The following RGS6 variants were observed in gnomAD, a reference collection of about 807,000 sequenced individuals.
RGS6 encodes regulator of G protein signaling 6.
A neutral mutation model predicts 78.5 loss-of-function variants in RGS6; 30 were observed. The ratio of observed to expected loss-of-function variants is 0.38; its 90% CI spans 0.29 to 0.52. The LOEUF (loss-of-function observed/expected upper bound fraction) is 0.52, where lower values mean the gene tolerates loss of function less well. RGS6 is among the 20% of genes least tolerant of loss of function. RGS6 has a pLI of 0.85. For missense variants in RGS6, 495 were observed against 609.7 expected (o/e 0.81, Z 1.98); for synonymous variants, 206 against 206.0 (o/e 1.00, Z 0.00).
chr14:72,207,444 C>T (rs1225523192), intron 2 of RGS6, among the ~76,000 whole-genome samples: 1 of 152,176 alleles, frequency 6.6e-6, no homozygotes, highest in African/African-American at 2.4e-5. Flanking sequence ...CTTGTTCATC[C>T]GTACATCTAG....
chr14:72,516,084 A>C (rs1159550443), intron 14 of RGS6, among the ~76,000 whole-genome samples: 1 of 152,206 alleles, frequency 6.6e-6, no homozygotes, highest in African/African-American at 2.4e-5. Context: ...AGCCTCACTG[A>C]CTTCGTCTCT....
At chr14:72,592,442 G>GGT in the RGS6 span, among the ~76,000 whole-genome samples, 1 of 152,212 alleles carries the variant, frequency 6.6e-6, no homozygotes, top group Non-Finnish European at 1.5e-5. Context: ...AGTGTAACAA[G>GGT]GTGTTAAGCT....
chr14:72,370,093 A>G (rs1389470884), intron 3 of RGS6, among the ~76,000 whole-genome samples: 1 of 152,038 alleles, frequency 6.6e-6, no homozygotes, highest in Non-Finnish European at 1.5e-5. Flanking sequence ...GCTTTGGAGA[A>G]TGGTAGACTA....
At chr14:72,544,781 C>CAA (rs1275725556) in intron 17 of RGS6, among the ~76,000 whole-genome samples, 1 of 152,194 alleles carries the variant, frequency 6.6e-6, no homozygotes, top group East Asian at 1.9e-4. Flanking sequence ...CTTCCCCTGC[C>CAA]AAAAGCCAAG....
At chr14:72,392,796 C>T (rs1476183804) in intron 3 of RGS6, among the ~76,000 whole-genome samples, 1 of 152,144 alleles carries the variant, frequency 6.6e-6, no homozygotes, top group Non-Finnish European at 1.5e-5. Flanking sequence ...TTCTTCCTGC[C>T]AATCCTCACC....
intron 3 of RGS6, among the ~76,000 whole-genome samples, chr14:72,379,887 T>C (rs1197210534): frequency 6.6e-6 from 1 of 152,040 alleles, no homozygotes; most frequent in African/African-American, 2.4e-5. Context: ...AGAACATAGT[T>C]AGAGGTATCA....
chr14:72,573,989 C>A, the RGS6 span, among the ~76,000 whole-genome samples: 2 of 152,184 alleles, frequency 1.3e-5, no homozygotes, highest in South Asian at 4.1e-4. Context: ...TGGGAGCAAA[C>A]CAAAAGATAA....
intron 15 of RGS6, among the ~76,000 whole-genome samples, chr14:72,530,044 A>T (rs949941695): frequency 2.0e-5 from 3 of 152,188 alleles, no homozygotes; most frequent in African/African-American, 7.2e-5. Context: ...ATTTTGATTG[A>T]CAAGTTCTTT....
At chr14:71,959,990 T>G (rs1326767882) in intron 1 of RGS6, among the ~76,000 whole-genome samples, 1 of 152,222 alleles carries the variant, frequency 6.6e-6, no homozygotes, top group East Asian at 1.9e-4. Context: ...TTCAAAGCCC[T>G]TCCTTTTCCT....
intron 2 of RGS6, among the ~76,000 whole-genome samples, chr14:72,227,762 CTG>C (rs1599902469): frequency 1.3e-5 from 2 of 152,226 alleles, no homozygotes; most frequent in East Asian, 3.9e-4. Flanking sequence ...ACTAGCTAAA[CTG>C]TGGCATATAA....
intron 2 of RGS6, among the ~76,000 whole-genome samples, chr14:72,348,817 G>A (rs1390729765): frequency 6.6e-6 from 1 of 152,164 alleles, no homozygotes. Flanking sequence ...TCAGAGTGTT[G>A]TTGTATCATA....
At chr14:72,474,203 G>A (rs957529846) in intron 9 of RGS6, 2 of 154,162 alleles carry the variant, frequency 1.3e-5, no homozygotes, top group Non-Finnish European at 2.9e-5. Flanking sequence ...AACAAATCTT[G>A]CATTTTCCTC....
intron 1 of RGS6, among the ~76,000 whole-genome samples, chr14:71,938,131 C>T (rs748177772): frequency 9.9e-5 from 15 of 152,214 alleles, no homozygotes; most frequent in Non-Finnish European, 2.1e-4. Flanking sequence ...TTAAACTCCT[C>T]CTCTGCTGAG....
At chr14:72,222,787 T>C (rs562186899) in intron 2 of RGS6, among the ~76,000 whole-genome samples, 7 of 152,354 alleles carry the variant, frequency 4.6e-5, no homozygotes, top group Middle Eastern at 3.4e-3. Context: ...GATGGGAAGA[T>C]AGAAGCTACA....
chr14:71,942,974 T>G (rs2090875825), intron 1 of RGS6, among the ~76,000 whole-genome samples: 2 of 152,190 alleles, frequency 1.3e-5, no homozygotes, highest in African/African-American at 4.8e-5. Context: ...TTTAAATCTG[T>G]CCATGGTAGA....
At chr14:72,176,303 A>C (rs145125001) in intron 2 of RGS6, among the ~76,000 whole-genome samples, 3 of 152,188 alleles carry the variant, frequency 2.0e-5, no homozygotes, top group Non-Finnish European at 4.4e-5. Context: ...GGGGGAGATG[A>C]CATGGGGCAT....
chr14:72,043,954 C>A (rs2092637616), intron 2 of RGS6, among the ~76,000 whole-genome samples: 1 of 152,108 alleles, frequency 6.6e-6, no homozygotes, highest in African/African-American at 2.4e-5. Context: ...TGTTCCGCTT[C>A]TCCTCCTCCT....
At chr14:72,495,037 A>T (rs879288404) in intron 12 of RGS6, 115 bp from the exon 13 acceptor site, 3 of 680,442 alleles carry the variant, frequency 4.4e-6, no homozygotes, top group Non-Finnish European at 7.9e-6. Context: ...GCGGAAATAA[A>T]TTTTTTCCTT....
downstream of RGS6, among the ~76,000 whole-genome samples, chr14:72,568,505 G>A (rs1030473676): frequency 5.9e-5 from 9 of 152,282 alleles, no homozygotes; most frequent in East Asian, 3.9e-4. Flanking sequence ...TGTGGGCAGC[G>A]GCCTCTCTCT....
Sources: gnomAD v4.1 joint callset for allele counts (sites outside exome capture counted in the v4.1 genomes callset) on GRCh38, gnomAD v4.1.1 for gene constraint, MANE v1.5 for transcripts, NCBI Gene and HGNC (gene_info 2026-07-23, HGNC 2026-07-21) for gene names.